CEP170B: variants seen among roughly 807,000 people sequenced by gnomAD.
CEP170B encodes centrosomal protein of 170 kDa protein B.
A neutral mutation model predicts 120.6 loss-of-function variants in CEP170B; 55 were observed. That is an observed-to-expected ratio of 0.46 (90% CI 0.37 to 0.57). The LOEUF is 0.57. Ranked by LOEUF, CEP170B falls within the 20% of genes least tolerant of loss-of-function variation. The probability of loss-of-function intolerance (pLI) is 0.00; values close to 1 mark genes in which losing one functional copy is unlikely to be tolerated. For synonymous variants in CEP170B, 1,033 were observed against 954.5 expected, an observed-to-expected ratio of 1.08 and a Z score of -1.52; for missense variants, 2,212 against 2,253.3, an observed-to-expected ratio of 0.98 and a Z score of 0.37.
chr14:104,893,764 A>G lies in CEP170B; in HGVS notation c.4186A>G (p.Ile1396Val), dbSNP rs1896962941. 1.9e-6 allele frequency: 3 copies of G among 1,608,628 alleles called. No homozygotes were observed. The highest frequency in any genetic ancestry group is 2.5e-6 in the Non-Finnish European group (3 of 1,178,162). The change falls in exon 16 of 19, where the codon ATC becomes GTC. Residue 1396 changes from isoleucine (I) to valine (V), a missense_variant. Coordinates refer to ENST00000414716, the MANE Select transcript of CEP170B (RefSeq NM_001112726.3). ...TGCTGAGGCCGGGCTCTTGCAGGTG[A>G]TCTTCGATAACCTGATGCTGAACCC... ...KTRPRNREEV[I>V]FDNLMLNPVS...
intron 2 of CEP170B, among the ~76,000 whole-genome samples, chr14:104,872,034 C>T (rs1034828952): frequency 9.9e-5 from 15 of 152,196 alleles, no homozygotes; most frequent in Admixed American, 6.5e-4. Flanking sequence ...CGTTAAATGA[C>T]GCAGGAACGT....
rs780542326 is a variant in CEP170B, at chr14:104,886,420, G to T, written c.2181G>T (p.Glu727Asp). Residue 727 changes from glutamate to aspartate, a missense_variant, in exon 12 of 19, where the codon GAG becomes GAT. Around this residue, in one of 2 missense-constraint regions of CEP170B, gnomAD observed 2,166 missense variants for 2,166.7 expected, o/e 1.00. Transcript: ENST00000414716. ...SSRRSGPGPPELDSEQPSRLF... is the reference protein window; with the variant it reads ...SSRRSGPGPPDLDSEQPSRLF... ...GGAGGAGTGGGCCTGGGCCACCGGA[G>T]CTGGACAGTGAGCAGCCCAGCCGCC... 6.3e-7 allele frequency: 1 copy of T among 1,579,538 alleles called. No individual in the cohort carries two copies. Among genetic ancestry groups the T allele is most frequent in the Admixed American group, 1.8e-5 (1 of 54,502 alleles).
chr14:104,888,151 G>A (rs536994780), intron 12 of CEP170B, among the ~76,000 whole-genome samples, 173 bp downstream of exon 12: 150 of 152,328 alleles, frequency 9.8e-4, no homozygotes, highest in African/African-American at 3.4e-3. Context: ...ACACACACAC[G>A]TGCATGGGCC....
chr14:104,872,404 TGGGTGTGCCGTGGGTGTGCCGTGC>T (rs1895594772), intron 2 of CEP170B, among the ~76,000 whole-genome samples: 3 of 71,074 alleles, frequency 4.2e-5, no homozygotes, highest in Admixed American at 1.7e-4. Context: ...TGGGTGTGCG[TGGGTGTGCCGTGGGTGTGCCGTGC>T]GTGTGTGCGT....
In CEP170B at chr14:104,882,852, T is replaced by TGGTGAGA. The variant is rs750431400; in HGVS notation, c.577+21_577+27dup. The TGGTGAGA allele has an allele frequency of 6.2e-7, 1 of 1,607,082 alleles. No individual in the cohort carries two copies. The highest frequency in any genetic ancestry group is 1.1e-5 in the South Asian group (1 of 90,450). ...ACCCAGGTTGGTCTTGGGGCCAGGC[T>TGGTGAGA]GGTGAGACCCTGAGGGCTCCCAGAG... On this transcript the variant is annotated intron_variant, in intron 7 of 18. Coordinates refer to ENST00000414716, the MANE Select transcript of CEP170B (RefSeq NM_001112726.3).
Position 104,886,546 on chromosome 14 carries a change from ACG to A in CEP170B, c.2309_2310del (p.Arg770GlnfsTer40). ...EPGVEPQDSR[R>X]RSPQEGPTWS... ...CAGGGGTGGAGCCACAGGACAGCAG[ACG>A]CAGGAGCCCCCAGGAGGGGCCCACG... On this transcript the variant is annotated frameshift_variant, in exon 12 of 19. Coordinates refer to ENST00000414716, the MANE Select transcript of CEP170B (RefSeq NM_001112726.3). LOFTEE classifies it high-confidence loss of function. The A allele has an allele frequency of 6.6e-7, 1 of 1,506,968 alleles. No individual in the cohort carries two copies. Among genetic ancestry groups the A allele is most frequent in the Non-Finnish European group, 8.8e-7 (1 of 1,131,412 alleles). The allele number at this position is 1,506,968 out of a possible 1,614,324, so 93.3% of individuals were successfully genotyped here.
intron 14 of CEP170B, 132 bp downstream of exon 14, chr14:104,893,267 T>TC: frequency 8.4e-7 from 1 of 1,186,682 alleles, no homozygotes; most frequent in Non-Finnish European, 1.2e-6. Context: ...CTGGAACATG[T>TC]CCCCCTGGGT....
At chr14:104,885,634 C>T (rs1047348749) in intron 10 of CEP170B, 92 bp downstream of exon 10, 52 of 1,450,858 alleles carry the variant, frequency 3.6e-5, no homozygotes, top group African/African-American at 2.2e-4. Flanking sequence ...CCCCATGGGG[C>T]GAGACTGGAC....
rs1895251361 is a variant in CEP170B at position 104,867,286 on chromosome 14, C to T, written c.-27-1138C>T. On this transcript the variant is annotated intron_variant, in intron 1 of 18. Transcript: ENST00000414716. The surrounding 1 kb of genome is among the most constrained non-coding windows in gnomAD (Gnocchi z 5.4). ...TCTGCCTGGAATGCAGTCCCACAAG[C>T]GTTCATGGGCTCACTTCCACCCCTG... 3.3e-5 allele frequency among the ~76,000 whole-genome samples: 5 copies of T among 152,240 alleles called. No individual in the cohort carries two copies. Among genetic ancestry groups the T allele is most frequent in the Admixed American group, 2.6e-4 (4 of 15,296 alleles).
chr14:104,883,644 G>A (rs1896283719), intron 8 of CEP170B, 136 bp downstream of exon 8: 4 of 1,119,224 alleles, frequency 3.6e-6, no homozygotes, highest in Non-Finnish European at 5.0e-6. Flanking sequence ...TTGCCTAAGA[G>A]CCACCTGCCT....
intron 5 of CEP170B, among the ~76,000 whole-genome samples, chr14:104,878,920 CAG>C (rs1896000583): frequency 2.0e-5 from 3 of 152,156 alleles, no homozygotes; most frequent in African/African-American, 7.2e-5. Flanking sequence ...GCTGGGTGGC[CAG>C]AGCCCAGGAA....
In CEP170B at chr14:104,896,582, C is replaced by A. The variant is rs1423652132; in HGVS notation, c.*1624C>A. 2.2e-6 allele frequency: 1 copy of A among 456,202 alleles called. No homozygotes were observed. Among genetic ancestry groups the A allele is most frequent in the Non-Finnish European group, 4.4e-6 (1 of 226,938 alleles). The allele number at this position is 456,202 out of a possible 1,614,324, so 28.3% of individuals were successfully genotyped here. A position where few individuals can be genotyped will look rare whatever the true frequency, so the allele number is the denominator to read the frequency against. ...CCCACACTGAGCTCCTTTGTTCCTC[C>A]CCCTCCAGCCTTTGCCTGGGAACTG... is the stretch of plus-strand genomic sequence containing the variant. On this transcript the variant is annotated 3_prime_UTR_variant, in exon 19 of 19. Coordinates refer to ENST00000414716, the MANE Select transcript of CEP170B (RefSeq NM_001112726.3).
At chr14:104,892,026 G>T (rs1224846959) in intron 13 of CEP170B, among the ~76,000 whole-genome samples, 2 of 152,140 alleles carry the variant, frequency 1.3e-5, no homozygotes, top group Non-Finnish European at 2.9e-5. Context: ...GGAGGTAGGG[G>T]TAGGGGGAGG....
intron 2 of CEP170B, among the ~76,000 whole-genome samples, chr14:104,872,090 CCCAGGCTGTGGT>C (rs1312246661): frequency 6.6e-6 from 1 of 152,136 alleles, no homozygotes; most frequent in Non-Finnish European, 1.5e-5. Context: ...CCTGTGGTGG[CCCAGGCTGTGGT>C]CCAGGGTGTG....
chr14:104,884,125 C>T lies in CEP170B; in HGVS notation c.1346C>T (p.Pro449Leu). ...GCCGATAGGGACCGCCCCAGTGTCC[C>T]AGCCCCAGTCCAGGCAGGGGGCCGC... ...TPADRDRPSVPAPVQAGGRSS... is the reference protein window; with the variant it reads ...TPADRDRPSVLAPVQAGGRSS... Residue 449 changes from proline to leucine, a missense_variant, in exon 9 of 19, where the codon CCA (proline) becomes CTA (leucine). Physicochemically the swap from Pro to Leu is moderately conservative, Grantham distance 98. This residue lies in a region of CEP170B where 2,166 missense variants were observed against 2,166.7 expected (regional missense o/e 1.00). Transcript: ENST00000414716. The T allele has an allele frequency of 1.3e-6, 2 of 1,566,982 alleles. No individual in the cohort carries two copies. The highest frequency in any genetic ancestry group is 1.7e-6 in the Non-Finnish European group (2 of 1,156,830).
chr14:104,872,133 G>C (rs1380965070), intron 2 of CEP170B, among the ~76,000 whole-genome samples: 1 of 151,456 alleles, frequency 6.6e-6, no homozygotes, highest in East Asian at 1.9e-4. Context: ...TCGTGTGTGT[G>C]CGTGTGTGTG....
Position 104,870,035 on chromosome 14 carries a change from T to C in CEP170B, c.105+1480T>C, listed in dbSNP as rs371369104. ...TTAATCTGGAACATTCTCTCCCTTT[T>C]TTCTCTTTTCTTTATGCCTTTGGTA... is the stretch of plus-strand genomic sequence containing the variant. On this transcript the variant is annotated intron_variant, in intron 2 of 18. Coordinates refer to ENST00000414716, the MANE Select transcript of CEP170B (RefSeq NM_001112726.3). The surrounding 1 kb of genome is among the most constrained non-coding windows in gnomAD (Gnocchi z 4.1). 3.0e-4 allele frequency among the ~76,000 whole-genome samples: 46 copies of C among 152,352 alleles called. No individual in the cohort carries two copies. The highest frequency in any genetic ancestry group is 3.4e-3 in the Middle Eastern group (1 of 292).
At chr14:104,871,329 C>T (rs1295692917) in intron 2 of CEP170B, among the ~76,000 whole-genome samples, 1 of 152,120 alleles carries the variant, frequency 6.6e-6, no homozygotes, top group Non-Finnish European at 1.5e-5. Flanking sequence ...CACCCTCCGT[C>T]CCTTCCACCC....
rs1330976569 is a variant in CEP170B, at chr14:104,894,349, G to A, written c.4336G>A (p.Glu1446Lys). The A allele has an allele frequency of 1.9e-6, 3 of 1,613,566 alleles. No individual in the cohort carries two copies. The highest frequency in any genetic ancestry group is 2.2e-5 in the East Asian group (1 of 44,864). ...DLEARINAEN[E>K]VPILKTSNKE... The stretch of plus-strand genomic sequence containing the variant: ...GGAAGCCAGGATCAACGCCGAGAAC[G>A]AGGTGCCCATCCTGAAGACATCTAA... The change falls in exon 17 of 19, where the codon GAG becomes AAG. Residue 1446 changes from glutamate (E) to lysine (K), a missense_variant. By Grantham distance (56) the Glu-to-Lys change is moderately conservative (BLOSUM62 1). Coordinates refer to ENST00000414716, the MANE Select transcript of CEP170B (RefSeq NM_001112726.3).
Sources: gnomAD v4.1 joint callset for allele counts (sites outside exome capture counted in the v4.1 genomes callset) on GRCh38, gnomAD v4.1.1 for gene constraint, gnomAD v4.1.1 regional missense constraint, Gnocchi (gnomAD v3.1) non-coding constraint, MANE v1.5 for transcripts, NCBI Gene and HGNC (gene_info 2026-07-23, HGNC 2026-07-21) for gene names.